The following PHACTR3 variants were observed in gnomAD, a reference collection of about 807,000 sequenced individuals.
PHACTR3 encodes protein phosphatase 1, regulatory subunit 123.
A neutral mutation model predicts 66.8 loss-of-function variants in PHACTR3; 16 were observed. The observed-to-expected ratio is 0.24, with a 90% CI of 0.16 to 0.36. PHACTR3 has a LOEUF of 0.36. PHACTR3 is among the 10% of genes least tolerant of loss of function. The pLI is 1.00. For missense variants in PHACTR3, 647 were observed against 719.9 expected, an observed-to-expected ratio of 0.90 and a Z score of 1.16; for synonymous variants, 323 against 292.1, an observed-to-expected ratio of 1.11 and a Z score of -1.08.
At chr20:59,837,876 C>A (rs1268006988) in intron 9 of PHACTR3, among the ~76,000 whole-genome samples, 1 of 152,202 alleles carries the variant, frequency 6.6e-6, no homozygotes, top group Non-Finnish European at 1.5e-5. Flanking sequence ...GGAACCATGT[C>A]TTCTTTCAGT....
intron 7 of PHACTR3, among the ~76,000 whole-genome samples, chr20:59,800,151 C>T (rs1012959386): frequency 4.6e-5 from 7 of 152,174 alleles, no homozygotes; most frequent in Admixed American, 6.5e-5. Flanking sequence ...TTATAAACCT[C>T]ATACTACTTT....
In PHACTR3 at chr20:59,791,298, T is replaced by A. The variant is rs139666760; in HGVS notation, c.1175-14743T>A. On this transcript the variant is annotated intron_variant, in intron 7 of 12. Transcript: ENST00000371015. Reference sequence around the variant, plus strand: ...AAGGCCCCTTGTTATGCTGGTACCTTGCTGTTGGACTTCCCAGCCTCCAAA... The same window carrying A: ...AAGGCCCCTTGTTATGCTGGTACCTAGCTGTTGGACTTCCCAGCCTCCAAA... Among the ~76,000 whole-genome samples the A allele has an allele frequency of 4.6e-5, 7 of 152,304 alleles. No homozygotes were observed. The East Asian group carries it at 1.2e-3, about 25-fold the overall frequency.
At chr20:59,757,163 T>G (rs1377155146) in intron 4 of PHACTR3, among the ~76,000 whole-genome samples, 1 of 152,244 alleles carries the variant, frequency 6.6e-6, no homozygotes, top group South Asian at 2.1e-4. Context: ...AGCCCTTGTG[T>G]GTGGCCTGTG....
chr20:59,760,518 A>G (rs1279866808), intron 4 of PHACTR3, among the ~76,000 whole-genome samples: 1 of 152,148 alleles, frequency 6.6e-6, no homozygotes, highest in African/African-American at 2.4e-5. Flanking sequence ...TGATGGTTTT[A>G]TAAGGGAAAA....
At chr20:59,633,800 T>C (rs1432503276) in intron 1 of PHACTR3, among the ~76,000 whole-genome samples, 1 of 152,156 alleles carries the variant, frequency 6.6e-6, no homozygotes, top group African/African-American at 2.4e-5. Context: ...ATTTATTACC[T>C]CCTGTGGCTC....
In PHACTR3 at chr20:59,712,995, C is replaced by T. The variant is rs117418259; in HGVS notation, c.119-30112C>T. Among the ~76,000 whole-genome samples the T allele has an allele frequency of 1.8e-4, 28 of 152,306 alleles. No homozygotes were observed. In the East Asian group the frequency reaches 2.9e-3, roughly 16 times the overall value. On this transcript the variant is annotated intron_variant, in intron 1 of 12. Coordinates refer to ENST00000371015, the MANE Select transcript of PHACTR3 (RefSeq NM_080672.5). ...TTTCTATTTTCAACCCAAAACATTC[C>T]GTTGAGATATGAAATAATATTGGAT...
intron 1 of PHACTR3, among the ~76,000 whole-genome samples, chr20:59,640,144 G>A (rs6070886): frequency 0.72 from 109,486 of 152,194 alleles, 39,536 homozygotes; most frequent in East Asian, 0.91. Flanking sequence ...GGGTCAGCCC[G>A]TCAGCAGCTG....
intron 8 of PHACTR3, among the ~76,000 whole-genome samples, chr20:59,817,971 A>G (rs1269020355): frequency 6.6e-6 from 1 of 152,186 alleles, no homozygotes; most frequent in Non-Finnish European, 1.5e-5. Flanking sequence ...TTGAGTTAGC[A>G]GGGAAAATAA....
intron 4 of PHACTR3, among the ~76,000 whole-genome samples, chr20:59,766,930 G>A (rs766612313): frequency 2.0e-5 from 3 of 152,166 alleles, no homozygotes; most frequent in Non-Finnish European, 4.4e-5. Flanking sequence ...GGGAGCTGTG[G>A]CATGGACCTC....
chr20:59,742,581 C>T (rs1291684085), intron 1 of PHACTR3, among the ~76,000 whole-genome samples: 1 of 152,188 alleles, frequency 6.6e-6, no homozygotes, highest in African/African-American at 2.4e-5. Context: ...GAGGTGGCAG[C>T]CTGGTGGGAG....
intron 7 of PHACTR3, among the ~76,000 whole-genome samples, chr20:59,793,251 G>T (rs186502316): frequency 1.3e-5 from 2 of 152,178 alleles, no homozygotes; most frequent in Non-Finnish European, 2.9e-5. Context: ...GCTCAAGATT[G>T]CTGTAAATAT....
intron 5 of PHACTR3, among the ~76,000 whole-genome samples, chr20:59,772,753 C>T (rs1364322175): frequency 2.6e-5 from 4 of 152,192 alleles, no homozygotes; most frequent in African/African-American, 9.7e-5. Context: ...ATCCAATTCA[C>T]CTTCTGGGGT....
intron 8 of PHACTR3, among the ~76,000 whole-genome samples, chr20:59,816,348 A>G (rs997661332): frequency 1.3e-5 from 2 of 152,166 alleles, no homozygotes; most frequent in Non-Finnish European, 1.5e-5. Flanking sequence ...CCAGATGGGT[A>G]CTGGGGTTGG....
chr20:59,747,144 G>A (rs199702638), intron 2 of PHACTR3, among the ~76,000 whole-genome samples: 2 of 152,348 alleles, frequency 1.3e-5, no homozygotes, highest in East Asian at 3.9e-4. Context: ...AGGCAGAAAG[G>A]GCTATTCTGA....
chr20:59,583,639 G>T (rs1778587713), intron 1 of PHACTR3, among the ~76,000 whole-genome samples: 1 of 152,176 alleles, frequency 6.6e-6, no homozygotes, highest in Non-Finnish European at 1.5e-5. Context: ...CTCTGATTCG[G>T]GATTTCTACC....
At chr20:59,719,487 T>G (rs2038214620) in intron 1 of PHACTR3, among the ~76,000 whole-genome samples, 1 of 152,190 alleles carries the variant, frequency 6.6e-6, no homozygotes, top group Admixed American at 6.5e-5. Flanking sequence ...TAAGGGGAAT[T>G]TCCTACCTTT....
intron 8 of PHACTR3, among the ~76,000 whole-genome samples, chr20:59,813,167 T>C (rs1001190863): frequency 1.3e-5 from 2 of 152,114 alleles, no homozygotes; most frequent in Non-Finnish European, 2.9e-5. Context: ...CTCGGTATGG[T>C]GTGGGTGCTG....
chr20:59,791,133 AT>A lies in PHACTR3; in HGVS notation c.1175-14906del, dbSNP rs561111618. 3.3e-5 allele frequency among the ~76,000 whole-genome samples: 5 copies of A among 152,274 alleles called. No homozygotes were observed. In the South Asian group the frequency reaches 1.0e-3, roughly 32 times the overall value. Reference sequence around the variant, plus strand: ...GAAATTTAATTGCCATTATAACAGTATTAAGAGGTGGGACTTCTAAAAGGTG... The same window carrying A: ...GAAATTTAATTGCCATTATAACAGTATAAGAGGTGGGACTTCTAAAAGGTG... On this transcript the variant is annotated intron_variant, in intron 7 of 12. Transcript: ENST00000371015.
At chr20:59,622,981 C>CAAAAAAAA (rs71183177) in intron 1 of PHACTR3, among the ~76,000 whole-genome samples, 814 of 32,162 alleles carry the variant, frequency 0.025, 133 homozygotes, top group African/African-American at 0.072. Flanking sequence ...CAGCTTTAAC[C>CAAAAAAAA]AAAAAAAAAA....
Sources: gnomAD v4.1 joint callset for allele counts (sites outside exome capture counted in the v4.1 genomes callset) on GRCh38, gnomAD v4.1.1 for gene constraint, MANE v1.5 for transcripts, NCBI Gene and HGNC (gene_info 2026-07-23, HGNC 2026-07-21) for gene names.